The following G3BP2 variants were observed in gnomAD, a reference collection of about 807,000 sequenced individuals.
G3BP2 encodes the protein ras GTPase-activating protein-binding protein 2.
Under a neutral mutation model 56.7 loss-of-function variants are expected in G3BP2, and 11 were observed. The observed-to-expected ratio is 0.19, with a 90% CI of 0.12 to 0.32. G3BP2 has a LOEUF of 0.32. G3BP2 is among the 10% of genes least tolerant of loss of function. The pLI, the probability that G3BP2 is intolerant of heterozygous loss-of-function variation, is 1.00. For synonymous variants in G3BP2, 165 were observed against 191.6 expected (o/e 0.86, Z 1.15); for missense variants, 340 against 610.9 (o/e 0.56, Z 4.67).
At chr4:75,666,129 G>T (rs565049858) in intron 1 of G3BP2, among the ~76,000 whole-genome samples, 1 of 152,260 alleles carries the variant, frequency 6.6e-6, no homozygotes, top group African/African-American at 2.4e-5. Context: ...CTAAAGATTT[G>T]TTGTAACAAG....
intron 4 of G3BP2, 22 bp downstream of exon 4, chr4:75,657,535 C>T: frequency 1.3e-6 from 2 of 1,570,492 alleles, no homozygotes; most frequent in Admixed American, 3.7e-5. Context: ...TAAATGAAAA[C>T]TAAGTGAATT....
At chr4:75,667,140 T>C (rs761700211) in intron 1 of G3BP2, among the ~76,000 whole-genome samples, 1 of 151,866 alleles carries the variant, frequency 6.6e-6, no homozygotes, top group African/African-American at 2.4e-5. Context: ...ATACAAAAAA[T>C]TAGCGGGGCG....
chr4:75,713,444 A>G (rs1577902279), intron 3 of G3BP2, among the ~76,000 whole-genome samples: 2 of 152,346 alleles, frequency 1.3e-5, no homozygotes, highest in East Asian at 3.8e-4. Context: ...TAGTAACTGT[A>G]CAATGGAGAA....
chr4:75,695,331 T>A (rs940646379), intron 3 of G3BP2, among the ~76,000 whole-genome samples: 6 of 152,138 alleles, frequency 3.9e-5, no homozygotes, highest in Non-Finnish European at 8.8e-5. Context: ...CTGTAATCCT[T>A]CTCAGTTGCT....
chr4:75,657,790 A>G, intron 3 of G3BP2, 60 bp from the exon 4 acceptor site: 1 of 1,018,486 alleles, frequency 9.8e-7, no homozygotes, highest in Non-Finnish European at 1.5e-6. Context: ...CTACACAATA[A>G]TATTACCTAC....
At chr4:75,656,584 T>A (rs558057583) in intron 5 of G3BP2, among the ~76,000 whole-genome samples, 15 of 151,866 alleles carry the variant, frequency 9.9e-5, no homozygotes, top group African/African-American at 3.6e-4. Flanking sequence ...ATTATTACAT[T>A]AAAAAAAAGG....
rs1040291258 is a variant in G3BP2, at chr4:75,685,574, A to G, written c.-24-23525T>C. Among the ~76,000 whole-genome samples the G allele has an allele frequency of 2.6e-5, 4 of 151,866 alleles. No individual in the cohort carries two copies. In the East Asian group the frequency reaches 7.7e-4, roughly 29 times the overall value. On this transcript the variant is annotated intron_variant, in intron 3 of 3. Transcript: ENST00000499709. Reference sequence around the variant, plus strand: ...ATTTGGTTCTTAATCCCAGCTCTGTATTTAAAACCTATATGATGCTAGGCA... The same window carrying G: ...ATTTGGTTCTTAATCCCAGCTCTGTGTTTAAAACCTATATGATGCTAGGCA...
chr4:75,687,897 T>C lies in G3BP2; in HGVS notation c.-24-25848A>G, dbSNP rs531044265. Among the ~76,000 whole-genome samples the C allele has an allele frequency of 2.8e-3, 419 of 152,328 alleles. 4 individuals carry two copies. The highest frequency in any genetic ancestry group is 5.1e-3 in the Non-Finnish European group (344 of 68,030). On this transcript the variant is annotated intron_variant, in intron 3 of 3. Transcript: ENST00000499709. ...TTGAGGCCCTGAGTTTTGTGTTAAA[T>C]GAAGGTGGCCAAGTGAAAGCTATTA...
chr4:75,673,588 G>A, upstream of G3BP2: 2 of 1,231,822 alleles, frequency 1.6e-6, no homozygotes, highest in Non-Finnish European at 2.0e-6. Context: ...GCTCGCGCCC[G>A]GAAAGCCGGG....
chr4:75,673,569 C>G, upstream of G3BP2: 1 of 1,232,014 alleles, frequency 8.1e-7, no homozygotes, highest in East Asian at 3.2e-5. Context: ...CGCTGCCGCG[C>G]TCGCACACGC....
intron 5 of G3BP2, among the ~76,000 whole-genome samples, chr4:75,656,211 C>T (rs1052653557): frequency 3.3e-5 from 5 of 151,598 alleles, no homozygotes; most frequent in African/African-American, 1.2e-4. Context: ...AGGCTGGTCC[C>T]GAACTCCTGG....
In G3BP2 at chr4:75,661,948, A is replaced by G; in HGVS notation, c.78T>C (p.Ala26=). The G allele has an allele frequency of 6.4e-7, 1 of 1,569,844 alleles. No homozygotes were observed. The highest frequency in any genetic ancestry group is 1.3e-5 in the African/African-American group (1 of 74,208). The change falls in exon 2 of 12, where the codon GCT becomes GCC. Residue 26 remains alanine, a synonymous_variant. Transcript: ENST00000359707. ...AAATTTACCTGTGTAAATATTCCGG[A>G]GCTTTATTCAGCAAAGTATAATATT... ...VRQYYTLLNK[A]PEYLHRFYGR...
intron 3 of G3BP2, among the ~76,000 whole-genome samples, chr4:75,719,338 A>G (rs1446961904): frequency 5.3e-4 from 54 of 101,662 alleles, no homozygotes; most frequent in African/African-American, 1.9e-3. Context: ...ACAGAGCAAG[A>G]CTCCGTCTCA....
intron 3 of G3BP2, among the ~76,000 whole-genome samples, chr4:75,711,404 G>A (rs1031001838): frequency 6.6e-6 from 1 of 151,276 alleles, no homozygotes; most frequent in African/African-American, 2.4e-5. Flanking sequence ...ATAGTGTGAG[G>A]AAAATAAAAA....
At chr4:75,673,164 TTCCGACCACCAC>T (rs1733643498) in intron 1 of G3BP2, 32 bp downstream of exon 1, 2 of 1,162,814 alleles carry the variant, frequency 1.7e-6, no homozygotes, top group Non-Finnish European at 1.1e-6. Flanking sequence ...GAATGTCCCT[TTCCGACCACCAC>T]ACCGACCTCC....
chr4:75,674,903 A>G (rs1733806407), upstream of G3BP2, among the ~76,000 whole-genome samples: 1 of 151,446 alleles, frequency 6.6e-6, no homozygotes, highest in Non-Finnish European at 1.5e-5. Context: ...TTATATTTTT[A>G]GTAGAGACGA....
At chr4:75,711,847 C>T (rs1467661800) in intron 3 of G3BP2, among the ~76,000 whole-genome samples, 1 of 152,170 alleles carries the variant, frequency 6.6e-6, no homozygotes, top group South Asian at 2.1e-4. Flanking sequence ...TGGGTCTCTC[C>T]TCCCTAGCAA....
chr4:75,708,395 G>A (rs1719632291), intron 3 of G3BP2, among the ~76,000 whole-genome samples: 1 of 152,168 alleles, frequency 6.6e-6, no homozygotes, highest in Non-Finnish European at 1.5e-5. Flanking sequence ...GAGCTGCAGA[G>A]GGTAAACAAA....
intron 3 of G3BP2, among the ~76,000 whole-genome samples, chr4:75,684,663 A>T (rs921138906): frequency 6.6e-6 from 1 of 152,084 alleles, no homozygotes; most frequent in Non-Finnish European, 1.5e-5. Context: ...CTCCCACCTT[A>T]GCCTCCCTAG....
Sources: gnomAD v4.1 joint callset for allele counts (sites outside exome capture counted in the v4.1 genomes callset) on GRCh38, gnomAD v4.1.1 for gene constraint, MANE v1.5 for transcripts, NCBI Gene and HGNC (gene_info 2026-07-23, HGNC 2026-07-21) for gene names.